ZCWPW2: variants seen among roughly 807,000 people sequenced by gnomAD.
The protein encoded by ZCWPW2 is zinc finger CW-type PWWP domain protein 2.
In ZCWPW2, 45 loss-of-function variants were observed where a neutral mutation model predicts 46.6. The ratio of observed to expected loss-of-function variants is 0.96; its 90% CI spans 0.76 to 1.24. ZCWPW2 has a LOEUF of 1.24. Ranked by LOEUF, ZCWPW2 falls within the 50% of genes most tolerant of loss-of-function variation. The pLI is 0.00. For missense variants in ZCWPW2, 429 were observed against 403.9 expected, an observed-to-expected ratio of 1.06 and a Z score of -0.53; for synonymous variants, 152 against 137.1, an observed-to-expected ratio of 1.11 and a Z score of -0.76.
chr3:28,360,903 TATAAACCA>T (rs888357847), intron 1 of ZCWPW2, among the ~76,000 whole-genome samples: 4 of 152,022 alleles, frequency 2.6e-5, no homozygotes, highest in African/African-American at 9.7e-5. Context: ...AAGATAGACA[TATAAACCA>T]ATAAAATTAG....
intron 5 of ZCWPW2, among the ~76,000 whole-genome samples, chr3:28,483,022 A>T (rs535429778): frequency 3.8e-4 from 58 of 152,266 alleles, no homozygotes; most frequent in African/African-American, 1.4e-3. Context: ...TTTATCAATT[A>T]TTTCTTTCAT....
At position 28,377,649 on chromosome 3, in the gene ZCWPW2, C is replaced by T. The variant is rs1473035627; in HGVS notation, c.-133-12849C>T. 2.0e-5 allele frequency among the ~76,000 whole-genome samples: 3 copies of T among 152,114 alleles called. No homozygotes were observed. The East Asian group carries it at 5.8e-4, about 29-fold the overall frequency. ...AATGGGCACATGCAGGAAAAAGTAACTAAGCCGTCTAAATTTTGTATTCTG... is the reference window on the plus strand; with the variant it reads ...AATGGGCACATGCAGGAAAAAGTAATTAAGCCGTCTAAATTTTGTATTCTG... On this transcript the variant is annotated intron_variant, in intron 1 of 9. Transcript: ENST00000383768.
In ZCWPW2 at chr3:28,413,300, T is replaced by C. The variant is rs1696483861; in HGVS notation, c.232T>C (p.Phe78Leu). 6.2e-7 allele frequency: 1 copy of C among 1,613,152 alleles called. No individual in the cohort carries two copies. The highest frequency in any genetic ancestry group is 1.7e-5 in the Admixed American group (1 of 59,842). The part of the protein sequence containing the change: ...YNNCSISEED[F>L]PEESQLHQCG... ...TAACTGCTCAATTTCTGAAGAAGAC[T>C]TCCCTGAAGAGTCTCAGCTTCATCA... Residue 78 changes from phenylalanine (F) to leucine (L), a missense_variant, in exon 3 of 10, where the codon TTC (phenylalanine) becomes CTC (leucine). By Grantham distance (22) the Phe-to-Leu change is conservative. Coordinates refer to ENST00000383768, the MANE Select transcript of ZCWPW2 (RefSeq NM_001040432.4).
intron 6 of ZCWPW2, among the ~76,000 whole-genome samples, chr3:28,510,516 T>G (rs1700398963): frequency 6.6e-6 from 1 of 152,178 alleles, no homozygotes; most frequent in Admixed American, 6.6e-5. Context: ...AGCACTTAAT[T>G]TACTTATCTT....
chr3:28,380,996 T>TATA (rs1384631890), intron 1 of ZCWPW2, among the ~76,000 whole-genome samples: 3 of 29,670 alleles, frequency 1.0e-4, no homozygotes, highest in Non-Finnish European at 1.1e-4. Context: ...TATATATATA[T>TATA]TTGGTATATA....
chr3:28,380,994 TA>T (rs1695053914), intron 1 of ZCWPW2, among the ~76,000 whole-genome samples: 1 of 43,900 alleles, frequency 2.3e-5, no homozygotes, highest in Non-Finnish European at 3.7e-5. Context: ...TATATATATA[TA>T]TTTGGTATAT....
At chr3:28,490,469 C>CT (rs1699770371) in intron 5 of ZCWPW2, among the ~76,000 whole-genome samples, 1 of 152,084 alleles carries the variant, frequency 6.6e-6, no homozygotes. Context: ...TACATATTCA[C>CT]TATGGAATAC....
intron 1 of ZCWPW2, among the ~76,000 whole-genome samples, chr3:28,386,923 G>T (rs1231980154): frequency 6.6e-6 from 1 of 152,132 alleles, no homozygotes; most frequent in East Asian, 1.9e-4. Flanking sequence ...AAAGGAGAAG[G>T]AGAATTGGTG....
chr3:28,423,362 CTTTTTTTTTTTTT>C (rs1168607790), intron 3 of ZCWPW2, among the ~76,000 whole-genome samples: 2 of 110,856 alleles, frequency 1.8e-5, no homozygotes, highest in Middle Eastern at 5.6e-3. Context: ...TGTGAGCTAT[CTTTTTTTTTTTTT>C]TTTTTTTTTT....
chr3:28,371,457 C>G (rs1415939618), intron 1 of ZCWPW2, among the ~76,000 whole-genome samples: 1 of 151,954 alleles, frequency 6.6e-6, no homozygotes, highest in African/African-American at 2.4e-5. Flanking sequence ...AAGAGTCTTA[C>G]TAAAGGCCAA....
intron 8 of ZCWPW2, among the ~76,000 whole-genome samples, chr3:28,518,323 G>T (rs1393415895): frequency 6.6e-6 from 1 of 151,682 alleles, no homozygotes; most frequent in Non-Finnish European, 1.5e-5. Flanking sequence ...GTTGACAGAA[G>T]ATGATTGGTC....
intron 5 of ZCWPW2, among the ~76,000 whole-genome samples, chr3:28,479,730 G>A (rs763274982): frequency 1.3e-5 from 2 of 152,108 alleles, no homozygotes; most frequent in South Asian, 2.1e-4. Context: ...ATGTGCCCAT[G>A]TATTCTTGTC....
At chr3:28,468,492 AAAG>A (rs1221448749) in intron 4 of ZCWPW2, among the ~76,000 whole-genome samples, 1 of 152,194 alleles carries the variant, frequency 6.6e-6, no homozygotes, top group Non-Finnish European at 1.5e-5. Context: ...GAATTAACAC[AAAG>A]AAGACTACTT....
intron 4 of ZCWPW2, among the ~76,000 whole-genome samples, chr3:28,442,815 A>T (rs1273763167): frequency 6.6e-6 from 1 of 152,192 alleles, no homozygotes; most frequent in East Asian, 1.9e-4. Flanking sequence ...TTGAACAGGG[A>T]TGTGGTGGGG....
Position 28,381,950 on chromosome 3 carries a change from G to T in ZCWPW2, c.-133-8548G>T, listed in dbSNP as rs1307486301. ...GGCCAAGGTGGGCGGATCACCTGAG[G>T]TCAGGAGTTCGAGACCATCCAGACC... On this transcript the variant is annotated intron_variant, in intron 1 of 9. Coordinates refer to ENST00000383768, the MANE Select transcript of ZCWPW2 (RefSeq NM_001040432.4). Among the ~76,000 whole-genome samples the T allele has an allele frequency of 1.3e-5, 2 of 151,998 alleles. 1 individual carries two copies.
chr3:28,430,905 A>G (rs1405485487), intron 3 of ZCWPW2, among the ~76,000 whole-genome samples: 1 of 152,182 alleles, frequency 6.6e-6, no homozygotes, highest in African/African-American at 2.4e-5. Flanking sequence ...GTCATGTGGA[A>G]CTGTGAGTTA....
chr3:28,359,608 A>G (rs571236867), intron 1 of ZCWPW2, among the ~76,000 whole-genome samples: 1 of 152,302 alleles, frequency 6.6e-6, no homozygotes, highest in East Asian at 1.9e-4. Flanking sequence ...TAGCAACAAA[A>G]AAAGTTTGAA....
At chr3:28,458,699 C>G (rs1351289491) in intron 4 of ZCWPW2, among the ~76,000 whole-genome samples, 1 of 152,162 alleles carries the variant, frequency 6.6e-6, no homozygotes, top group Non-Finnish European at 1.5e-5. Context: ...TCATAATAAG[C>G]TATCATTTGT....
chr3:28,519,370 T>C (rs191602069), intron 8 of ZCWPW2, among the ~76,000 whole-genome samples: 34 of 152,288 alleles, frequency 2.2e-4, no homozygotes, highest in Admixed American at 2.2e-3. Context: ...TATTTGTTGA[T>C]TGAGTATGAA....
Sources: allele counts gnomAD v4.1 joint callset (sites outside exome capture counted in the v4.1 genomes callset), GRCh38; gene constraint gnomAD v4.1.1; transcripts MANE v1.5; gene names NCBI Gene and HGNC (gene_info 2026-07-23, HGNC 2026-07-21).